LRRC4C: variants seen among roughly 807,000 people sequenced by gnomAD.
LRRC4C encodes leucine-rich repeat-containing protein 4C.
A neutral mutation model predicts 33.6 loss-of-function variants in LRRC4C; 5 were observed. That is an observed-to-expected ratio of 0.15 (90% CI 0.08 to 0.31). The LOEUF (loss-of-function observed/expected upper bound fraction) is 0.31, where lower values mean the gene tolerates loss of function less well. Ranked by LOEUF, LRRC4C falls within the 10% of genes least tolerant of loss-of-function variation. LRRC4C has a pLI of 1.00. For missense variants in LRRC4C, 560 were observed against 796.7 expected, an observed-to-expected ratio of 0.70 and a Z score of 3.58; for synonymous variants, 329 against 302.0, an observed-to-expected ratio of 1.09 and a Z score of -0.93.
chr11:40,821,527 T>C (rs1279761318), intron 2 of LRRC4C, among the ~76,000 whole-genome samples: 1 of 151,590 alleles, frequency 6.6e-6, no homozygotes, highest in East Asian at 1.9e-4. Flanking sequence ...TTAATAAATT[T>C]ATATTTTTTA....
intron 1 of LRRC4C, among the ~76,000 whole-genome samples, chr11:41,110,006 G>A (rs924449667): frequency 6.6e-6 from 1 of 151,910 alleles, no homozygotes; most frequent in Non-Finnish European, 1.5e-5. Context: ...CCTCTTTATG[G>A]GGAAATTCCT....
intron 1 of LRRC4C, among the ~76,000 whole-genome samples, chr11:40,985,374 GAA>G (rs66501329): frequency 6.6e-6 from 1 of 151,712 alleles, no homozygotes; most frequent in Non-Finnish European, 1.5e-5. Context: ...AATAGGGGGG[GAA>G]AAGTACCTTA....
At chr11:40,446,745 G>C (rs970062541) in intron 3 of LRRC4C, 1 of 152,136 alleles carries the variant, frequency 6.6e-6, no homozygotes, top group African/African-American at 2.4e-5. Context: ...CTTACAAGCA[G>C]GAGAGAGAAT....
chr11:41,002,936 T>C (rs1230981079), intron 1 of LRRC4C, among the ~76,000 whole-genome samples: 1 of 152,164 alleles, frequency 6.6e-6, no homozygotes, highest in Non-Finnish European at 1.5e-5. Context: ...AAATGTTACA[T>C]TGTAGTTATG....
chr11:40,559,473 C>T (rs1473251167), intron 3 of LRRC4C, among the ~76,000 whole-genome samples: 2 of 152,164 alleles, frequency 1.3e-5, no homozygotes, highest in African/African-American at 4.8e-5. Flanking sequence ...GCTGGAGCCA[C>T]TGTGCCTGAC....
intron 6 of LRRC4C, among the ~76,000 whole-genome samples, chr11:40,118,854 C>G (rs1223549489): frequency 6.6e-6 from 1 of 152,104 alleles, no homozygotes; most frequent in Non-Finnish European, 1.5e-5. Flanking sequence ...CTATCATCAG[C>G]TTTGTTTTGA....
intron 1 of LRRC4C, among the ~76,000 whole-genome samples, chr11:41,135,768 G>A (rs547242600): frequency 1.5e-4 from 23 of 152,136 alleles, no homozygotes; most frequent in African/African-American, 3.4e-4. Flanking sequence ...TAATTACTGT[G>A]TAATGGAATA....
intron 3 of LRRC4C, among the ~76,000 whole-genome samples, chr11:40,444,850 C>G (rs1057045313): frequency 6.6e-6 from 1 of 152,206 alleles, no homozygotes; most frequent in Non-Finnish European, 1.5e-5. Flanking sequence ...GTAACCAAAA[C>G]AGATCACACA....
intron 1 of LRRC4C, among the ~76,000 whole-genome samples, chr11:41,123,343 G>A (rs1174787571): frequency 1.1e-4 from 16 of 140,084 alleles, no homozygotes; most frequent in Admixed American, 5.1e-4. Flanking sequence ...CGGGATCTCG[G>A]CTCACTGCAA....
At chr11:41,009,454 A>T (rs1465893471) in intron 1 of LRRC4C, among the ~76,000 whole-genome samples, 1 of 152,110 alleles carries the variant, frequency 6.6e-6, no homozygotes, top group Non-Finnish European at 1.5e-5. Context: ...GAAGAAAACA[A>T]AATTAGGAGC....
chr11:40,856,315 G>C (rs559672132), intron 2 of LRRC4C, among the ~76,000 whole-genome samples: 1 of 152,278 alleles, frequency 6.6e-6, no homozygotes, highest in East Asian at 1.9e-4. Flanking sequence ...CTGTTAACTA[G>C]ATACAGATTT....
chr11:40,731,224 C>T (rs1214772078), intron 2 of LRRC4C, among the ~76,000 whole-genome samples: 1 of 152,052 alleles, frequency 6.6e-6, no homozygotes, highest in Non-Finnish European at 1.5e-5. Flanking sequence ...GAGGCTGAGG[C>T]AGGAGAATGG....
At position 40,408,763 on chromosome 11, in the gene LRRC4C, G is replaced by GAAGA. The variant is rs551370643; in HGVS notation, c.-269-89046_-269-89043dup. Among the ~76,000 whole-genome samples, 56 of 151,824 alleles carry GAAGA rather than the reference G, an allele frequency of 3.7e-4. 1 individual carries two copies. The South Asian group carries it at 0.011, about 31-fold the overall frequency. On this transcript the variant is annotated intron_variant, in intron 3 of 6. Transcript: ENST00000528697. The stretch of plus-strand genomic sequence containing the variant: ...AAAACTATAAAACACTACTAAAATT[G>GAAGA]AAGAAGACATAAAAAATTGGATATT...
intron 2 of LRRC4C, among the ~76,000 whole-genome samples, chr11:40,776,098 C>A (rs1024628876): frequency 6.6e-6 from 1 of 151,932 alleles, no homozygotes; most frequent in African/African-American, 2.4e-5. Context: ...TTTGTTGAAC[C>A]AACCTTGCAT....
At chr11:40,234,843 T>A (rs1458591901) in intron 5 of LRRC4C, among the ~76,000 whole-genome samples, 5 of 152,214 alleles carry the variant, frequency 3.3e-5, no homozygotes, top group Admixed American at 2.6e-4. Context: ...CCCTAGTTTC[T>A]ATCCATAAGG....
At chr11:41,016,187 T>C (rs1051969349) in intron 1 of LRRC4C, among the ~76,000 whole-genome samples, 6 of 152,050 alleles carry the variant, frequency 3.9e-5, no homozygotes, top group African/African-American at 1.4e-4. Context: ...GCCCATAGCA[T>C]TCTCTTCAGG....
chr11:41,316,032 T>A (rs1280055163), intron 1 of LRRC4C, among the ~76,000 whole-genome samples: 3 of 152,150 alleles, frequency 2.0e-5, no homozygotes, highest in Admixed American at 2.0e-4. Flanking sequence ...TTATGGGACC[T>A]GTGTATATAT....
chr11:40,580,058 GGTGT>G lies in LRRC4C; in HGVS notation c.-270+68080_-270+68083del, dbSNP rs72110597. 2.1e-3 allele frequency among the ~76,000 whole-genome samples: 304 copies of G among 145,458 alleles called. 2 individuals carry two copies. Among genetic ancestry groups the G allele is most frequent in the Middle Eastern group, 3.6e-3 (1 of 280 alleles). On this transcript the variant is annotated intron_variant, in intron 3 of 6. Transcript: ENST00000528697. ...CTGTTTTGTTCAAGGGTACTTTTCA[GGTGT>G]GTGTGTGTGTGTGTGTGTGTGTGTG...
intron 1 of LRRC4C, among the ~76,000 whole-genome samples, chr11:41,275,971 T>C (rs1351787615): frequency 1.3e-5 from 2 of 152,160 alleles, no homozygotes; most frequent in African/African-American, 4.8e-5. Flanking sequence ...GCTTGGGATA[T>C]GACTGAATAA....
Sources: gnomAD v4.1 joint callset for allele counts (sites outside exome capture counted in the v4.1 genomes callset) on GRCh38, gnomAD v4.1.1 for gene constraint, MANE v1.5 for transcripts, NCBI Gene and HGNC (gene_info 2026-07-23, HGNC 2026-07-21) for gene names.